MRC1: variants seen among roughly 807,000 people sequenced by gnomAD.
The protein encoded by MRC1 is macrophage mannose receptor 1.
A neutral mutation model predicts 102.9 loss-of-function variants in MRC1; 62 were observed. The observed-to-expected ratio is 0.60, with a 90% CI of 0.49 to 0.74. MRC1 has a LOEUF of 0.74. Among genes scored for constraint, MRC1 ranks in the 30% least tolerant of loss-of-function variants. MRC1 has a pLI of 0.00. For missense variants in MRC1, 1,237 were observed against 862.8 expected (o/e 1.43, Z -5.43); for synonymous variants, 457 against 298.4 (o/e 1.53, Z -5.48).
At chr10:17,894,021 A>G (rs1304457942) in intron 22 of MRC1, among the ~76,000 whole-genome samples, 189 bp from the exon 23 acceptor site, 1 of 152,196 alleles carries the variant, frequency 6.6e-6, no homozygotes, top group Non-Finnish European at 1.5e-5. Flanking sequence ...TGAGAGTTCA[A>G]ATGTGGAGGA....
At position 17,866,766 on chromosome 10, in the gene MRC1, G is replaced by A. The variant is rs2130669406; in HGVS notation, c.1983+5G>A. 1 of 780,786 alleles carries A rather than the reference G, an allele frequency of 1.3e-6. No homozygotes were observed. Among genetic ancestry groups the A allele is most frequent in the East Asian group, 2.4e-5 (1 of 41,236 alleles). The allele number at this position is 780,786 out of a possible 1,614,324, so 48.4% of individuals were successfully genotyped here. ...AGAACAAGCTTGTGTTTCAAGGTGA[G>A]TATCAGTTATAAAGCTGGTAAGAGA... is the stretch of plus-strand genomic sequence containing the variant. On this transcript the variant is annotated splice_donor_5th_base_variant and intron_variant, in intron 12 of 29. Transcript: ENST00000569591.
chr10:17,882,063 G>A (rs896953716), intron 21 of MRC1, among the ~76,000 whole-genome samples: 16 of 151,964 alleles, frequency 1.1e-4, no homozygotes, highest in Admixed American at 2.6e-4. Context: ...TGATGTTGTC[G>A]TCAAAAGAAA....
At chr10:17,890,638 T>G (rs928376215) in intron 22 of MRC1, among the ~76,000 whole-genome samples, 3 of 152,238 alleles carry the variant, frequency 2.0e-5, no homozygotes, top group African/African-American at 7.2e-5. Context: ...TTCCACTGTC[T>G]TTGTCACATC....
At chr10:17,819,387 G>A (rs1248394939) in intron 1 of MRC1, among the ~76,000 whole-genome samples, 1 of 152,090 alleles carries the variant, frequency 6.6e-6, no homozygotes, top group African/African-American at 2.4e-5. Context: ...GGCTTGGCCT[G>A]GGATGGTGTA....
chr10:17,855,796 C>T (rs201373951), intron 8 of MRC1, among the ~76,000 whole-genome samples: 33,051 of 151,992 alleles, frequency 0.22, 3,870 homozygotes, highest in African/African-American at 0.28. Flanking sequence ...CCTTTCCTTT[C>T]AGTAGATGCC....
intron 21 of MRC1, among the ~76,000 whole-genome samples, chr10:17,884,242 T>C (rs947128275): frequency 6.6e-6 from 1 of 152,130 alleles, no homozygotes; most frequent in East Asian, 1.9e-4. Flanking sequence ...GCACTAGGAT[T>C]ATAAGCACCA....
intron 13 of MRC1, among the ~76,000 whole-genome samples, chr10:17,870,604 G>A (rs988658841): frequency 1.3e-5 from 2 of 152,082 alleles, no homozygotes; most frequent in Admixed American, 6.6e-5. Flanking sequence ...TGCTTAATAC[G>A]TATTTGTCTT....
At chr10:17,878,949 T>A (rs950567809) in intron 18 of MRC1, among the ~76,000 whole-genome samples, 8 of 152,202 alleles carry the variant, frequency 5.3e-5, no homozygotes, top group Middle Eastern at 6.3e-3. Flanking sequence ...CTTCTGGCTC[T>A]CACAGTCTCT....
intron 1 of MRC1, among the ~76,000 whole-genome samples, chr10:17,821,618 AAAT>A (rs1838397695): frequency 1.3e-5 from 2 of 152,256 alleles, no homozygotes; most frequent in Admixed American, 6.5e-5. Context: ...TGTCAGGAGA[AAAT>A]AATCTTTTGA....
At position 17,880,610 on chromosome 10, in the gene MRC1, G is replaced by A; in HGVS notation, c.2805G>A (p.Met935Ile). ...HNSSINATTV[M>I]PTMPSVPSGC... ...GTAGTATCAATGCTACCACAGTTAT[G>A]CCTACCATGCCCTCGGTCCCATCAG... The change falls in exon 20 of 30, where the codon ATG (methionine) becomes ATA (isoleucine). Residue 935 changes from methionine (M) to isoleucine (I), a missense_variant. Met to Ile is a conservative substitution (Grantham distance 10). Coordinates refer to ENST00000569591, the MANE Select transcript of MRC1 (RefSeq NM_002438.4). 1 of 780,798 alleles carries A rather than the reference G, an allele frequency of 1.3e-6. No individual in the cohort carries two copies. Among genetic ancestry groups the A allele is most frequent in the Non-Finnish European group, 2.4e-6 (1 of 417,952 alleles). The allele number at this position is 780,798 out of a possible 1,614,324, so 48.4% of individuals were successfully genotyped here.
At position 17,894,315 on chromosome 10, in the gene MRC1, A is replaced by G; in HGVS notation, c.3250+3A>G. The G allele has an allele frequency of 1.1e-6, 1 of 872,284 alleles. No homozygotes were observed. The highest frequency in any genetic ancestry group is 2.0e-6 in the Non-Finnish European group (1 of 501,346). 54.0% of individuals were successfully genotyped at this position (872,284 alleles called of 1,614,324 possible). On this transcript the variant is annotated splice_donor_region_variant and intron_variant, in intron 23 of 29. Transcript: ENST00000569591. Reference sequence around the variant, plus strand: ...CTACATATGCCAGACACGATCCGGTAAGTTCTACCAAACCTTACCTTCCTG... The same window carrying G: ...CTACATATGCCAGACACGATCCGGTGAGTTCTACCAAACCTTACCTTCCTG...
At chr10:17,839,408 C>T (rs956445927) in intron 4 of MRC1, among the ~76,000 whole-genome samples, 2 of 149,188 alleles carry the variant, frequency 1.3e-5, no homozygotes, top group Non-Finnish European at 3.0e-5. Flanking sequence ...TATTAAAATG[C>T]TACTTTTAGG....
At chr10:17,843,999 G>A (rs1217279461) in intron 5 of MRC1, among the ~76,000 whole-genome samples, 1 of 152,148 alleles carries the variant, frequency 6.6e-6, no homozygotes, top group Non-Finnish European at 1.5e-5. Context: ...ATATATTAGA[G>A]TAGCAAAACG....
chr10:17,899,296 G>T (rs1833797569), intron 24 of MRC1, among the ~76,000 whole-genome samples: 1 of 152,136 alleles, frequency 6.6e-6, no homozygotes, highest in Non-Finnish European at 1.5e-5. Flanking sequence ...ACATTTTTAC[G>T]TCGCTGTTGA....
chr10:17,822,658 A>G (rs1168244796), intron 1 of MRC1, among the ~76,000 whole-genome samples: 2 of 152,328 alleles, frequency 1.3e-5, no homozygotes, highest in South Asian at 2.1e-4. Context: ...TTTCTAGGAC[A>G]TACATGCATT....
At chr10:17,854,964 T>C in intron 8 of MRC1, 1 of 152,614 alleles carries the variant, frequency 6.6e-6, no homozygotes, top group Non-Finnish European at 1.5e-5. Context: ...GTGCTGGGAT[T>C]ATAGGCGTGA....
intron 28 of MRC1, 25 bp downstream of exon 28, chr10:17,907,723 T>G: frequency 1.3e-6 from 1 of 780,358 alleles, no homozygotes; most frequent in Non-Finnish European, 2.4e-6. Flanking sequence ...TGTTGCATGG[T>G]GCATATCACT....
chr10:17,860,225 C>G (rs1376838842), intron 9 of MRC1, among the ~76,000 whole-genome samples: 1 of 151,742 alleles, frequency 6.6e-6, no homozygotes, highest in Non-Finnish European at 1.5e-5. Flanking sequence ...TCTTCTCAAA[C>G]TCTAGCATGG....
intron 1 of MRC1, among the ~76,000 whole-genome samples, chr10:17,812,700 T>G (rs957441370): frequency 2.7e-5 from 4 of 150,900 alleles, no homozygotes; most frequent in Admixed American, 2.0e-4. Flanking sequence ...GCCTCCCGAG[T>G]AGCTGGGATT....
Sources: allele counts gnomAD v4.1 joint callset (sites outside exome capture counted in the v4.1 genomes callset), GRCh38; gene constraint gnomAD v4.1.1; transcripts MANE v1.5; gene names NCBI Gene and HGNC (gene_info 2026-07-23, HGNC 2026-07-21).